The following TRAPPC9 variants were observed in gnomAD, a reference collection of about 807,000 sequenced individuals.
The protein encoded by TRAPPC9 is trafficking protein particle complex subunit 9.
TRAPPC9 carries 83 observed loss-of-function variants against 124.0 expected under a neutral mutation model. The observed-to-expected ratio is 0.67, with a 90% CI of 0.56 to 0.80. The LOEUF is 0.80. TRAPPC9 is among the 30% of genes least tolerant of loss of function. The pLI, the probability that TRAPPC9 is intolerant of heterozygous loss-of-function variation, is 0.00. For synonymous variants in TRAPPC9, 638 were observed against 617.5 expected (o/e 1.03, Z -0.49); for missense variants, 1,302 against 1,508.3 (o/e 0.86, Z 2.27).
chr8:140,296,810 T>C (rs1190311141), intron 11 of TRAPPC9, among the ~76,000 whole-genome samples: 1 of 152,248 alleles, frequency 6.6e-6, no homozygotes, highest in East Asian at 1.9e-4. Flanking sequence ...TCTGGAAGTT[T>C]TTCTCAACGA....
At chr8:140,422,069 G>C (rs1373757285) in intron 5 of TRAPPC9, among the ~76,000 whole-genome samples, 2 of 141,684 alleles carry the variant, frequency 1.4e-5, no homozygotes, top group Non-Finnish European at 1.5e-5. Context: ...AAAAGCAATA[G>C]AGTATGGTGG....
intron 21 of TRAPPC9, among the ~76,000 whole-genome samples, chr8:139,792,057 G>A (rs914272129): frequency 2.0e-5 from 3 of 152,156 alleles, no homozygotes; most frequent in Admixed American, 6.5e-5. Flanking sequence ...GCTCTTGCCC[G>A]CCGCCTGCCG....
At chr8:140,024,138 C>A (rs1386074576) in intron 17 of TRAPPC9, 59 bp from the exon 18 acceptor site, 1 of 1,596,956 alleles carries the variant, frequency 6.3e-7, no homozygotes, top group South Asian at 1.1e-5. Flanking sequence ...CTAGTTTGAT[C>A]CACCAGGAGG....
At chr8:139,760,624 G>T (rs756342996) in intron 21 of TRAPPC9, among the ~76,000 whole-genome samples, 1 of 152,296 alleles carries the variant, frequency 6.6e-6, no homozygotes, top group South Asian at 2.1e-4. Context: ...ATCACCCTCC[G>T]TATCTGACAG....
chr8:139,872,388 G>GTGGATGGA (rs112393714), intron 21 of TRAPPC9, among the ~76,000 whole-genome samples: 2,683 of 74,840 alleles, frequency 0.036, 177 homozygotes, highest in African/African-American at 0.099. Context: ...GGATAAGTGG[G>GTGGATGGA]TGGATGGATG....
intron 11 of TRAPPC9, among the ~76,000 whole-genome samples, chr8:140,295,938 T>A (rs1474945905): frequency 6.6e-6 from 1 of 152,100 alleles, no homozygotes; most frequent in Admixed American, 6.5e-5. Flanking sequence ...CAGAAAAAAA[T>A]CTTACATCAT....
chr8:139,963,352 T>A (rs2614731), intron 19 of TRAPPC9, among the ~76,000 whole-genome samples: 16 of 152,144 alleles, frequency 1.1e-4, no homozygotes, highest in African/African-American at 3.9e-4. Context: ...CTAGGAAGGT[T>A]AGATTTAACC....
At chr8:139,893,108 G>A (rs1261983651) in intron 20 of TRAPPC9, among the ~76,000 whole-genome samples, 1 of 152,218 alleles carries the variant, frequency 6.6e-6, no homozygotes, top group Non-Finnish European at 1.5e-5. Flanking sequence ...ACCAAGACGT[G>A]CCGTGTTTCT....
intron 18 of TRAPPC9, among the ~76,000 whole-genome samples, chr8:139,989,122 G>A (rs1363033404): frequency 2.0e-5 from 3 of 152,182 alleles, no homozygotes; most frequent in African/African-American, 7.2e-5. Context: ...AAGTGGCCTT[G>A]GGAAGGTAAC....
At chr8:140,423,245 T>G (rs1048343968) in intron 5 of TRAPPC9, among the ~76,000 whole-genome samples, 1 of 152,050 alleles carries the variant, frequency 6.6e-6, no homozygotes, top group African/African-American at 2.4e-5. Flanking sequence ...AGGACCAGCC[T>G]GGCCAACATG....
intron 19 of TRAPPC9, among the ~76,000 whole-genome samples, chr8:139,950,949 A>G (rs896210966): frequency 1.1e-4 from 16 of 152,176 alleles, no homozygotes; most frequent in Admixed American, 2.0e-4. Flanking sequence ...CAAATGAACT[A>G]TAAAAGGGTG....
At chr8:139,950,761 C>G (rs7842657) in intron 19 of TRAPPC9, among the ~76,000 whole-genome samples, 18,964 of 152,192 alleles carry the variant, frequency 0.12, 1,305 homozygotes, top group African/African-American at 0.18. Context: ...TGAAAACATT[C>G]AGCAACTGAC....
chr8:140,390,714 T>A (rs1384654982), intron 7 of TRAPPC9, among the ~76,000 whole-genome samples: 2 of 152,202 alleles, frequency 1.3e-5, no homozygotes, highest in Non-Finnish European at 2.9e-5. Context: ...ATATGCCTCT[T>A]ACTCTCTCCT....
At chr8:139,846,175 C>T (rs546093264) in intron 21 of TRAPPC9, among the ~76,000 whole-genome samples, 10 of 152,362 alleles carry the variant, frequency 6.6e-5, no homozygotes, top group Admixed American at 2.0e-4. Flanking sequence ...GGCTTGGTGC[C>T]GGAAGCGGTA....
At chr8:139,822,404 G>A (rs527861308) in intron 21 of TRAPPC9, among the ~76,000 whole-genome samples, 1 of 152,320 alleles carries the variant, frequency 6.6e-6, no homozygotes, top group Non-Finnish European at 1.5e-5. Context: ...TGCTCCGAGA[G>A]AACAATGCCA....
chr8:140,050,210 C>T (rs1043687070), intron 17 of TRAPPC9, among the ~76,000 whole-genome samples: 5 of 152,202 alleles, frequency 3.3e-5, no homozygotes, highest in African/African-American at 1.2e-4. Flanking sequence ...GCCTCCAGTG[C>T]TTCATGAGTC....
intron 17 of TRAPPC9, among the ~76,000 whole-genome samples, chr8:140,033,359 G>A (rs1428318133): frequency 6.6e-6 from 1 of 152,120 alleles, no homozygotes; most frequent in East Asian, 1.9e-4. Context: ...TGGAACAACT[G>A]GACAAATGTG....
At chr8:140,169,637 T>G (rs116307011) in intron 17 of TRAPPC9, among the ~76,000 whole-genome samples, 2,700 of 152,250 alleles carry the variant, frequency 0.018, 84 homozygotes, top group African/African-American at 0.061. Flanking sequence ...CTACGAGCCT[T>G]GAGAACAGGC....
chr8:140,324,606 C>CA (rs1264139058), intron 9 of TRAPPC9, among the ~76,000 whole-genome samples: 2 of 152,052 alleles, frequency 1.3e-5, no homozygotes, highest in South Asian at 2.1e-4. Context: ...CCTGTTTCTA[C>CA]AAAAAATAAG....
Sources: allele counts gnomAD v4.1 joint callset (sites outside exome capture counted in the v4.1 genomes callset), GRCh38; gene constraint gnomAD v4.1.1; transcripts MANE v1.5; gene names NCBI Gene and HGNC (gene_info 2026-07-23, HGNC 2026-07-21).